HNRNPC: variants seen among roughly 807,000 people sequenced by gnomAD.
The protein encoded by HNRNPC is heterogeneous nuclear ribonucleoprotein C.
A neutral mutation model predicts 33.2 loss-of-function variants in HNRNPC; 3 were observed. That is an observed-to-expected ratio of 0.09 (90% confidence interval 0.04 to 0.23). HNRNPC has a LOEUF of 0.23. Among genes scored for constraint, HNRNPC ranks in the 10% least tolerant of loss-of-function variants. The probability of loss-of-function intolerance (pLI) is 1.00; values close to 1 mark genes in which losing one functional copy is unlikely to be tolerated. For missense variants in HNRNPC, 143 were observed against 366.7 expected (o/e 0.39, Z 4.98); for synonymous variants, 121 against 126.7 (o/e 0.96, Z 0.30).
At chr14:21,261,018 G>A (rs966504107) in intron 2 of HNRNPC, among the ~76,000 whole-genome samples, 5 of 150,668 alleles carry the variant, frequency 3.3e-5, no homozygotes, top group Admixed American at 1.3e-4. Context: ...CTGGAGTGCA[G>A]TGGATAATCA....
At chr14:21,220,922 A>G (rs1324183924) in intron 5 of HNRNPC, among the ~76,000 whole-genome samples, 1 of 152,138 alleles carries the variant, frequency 6.6e-6, no homozygotes, top group East Asian at 1.9e-4. Flanking sequence ...CCCCGTCTCT[A>G]CTAAAATACA....
chr14:21,255,821 A>G (rs546547202), intron 2 of HNRNPC, among the ~76,000 whole-genome samples: 53 of 152,344 alleles, frequency 3.5e-4, no homozygotes, highest in African/African-American at 1.2e-3. Flanking sequence ...ACAGTTGGTG[A>G]TAAGTGCTAA....
intron 5 of HNRNPC, among the ~76,000 whole-genome samples, chr14:21,217,472 C>CT (rs1331452303): frequency 3.3e-5 from 5 of 152,040 alleles, no homozygotes; most frequent in Non-Finnish European, 7.4e-5. Context: ...TGGGGAAACT[C>CT]TAACATAATT....
intron 3 of HNRNPC, 69 bp from the exon 4 acceptor site, chr14:21,231,141 T>TC (rs1367159068): frequency 1.4e-6 from 2 of 1,475,196 alleles, no homozygotes; most frequent in Non-Finnish European, 1.9e-6. Context: ...AAAGTTTATT[T>TC]TTTTTATTTT....
At chr14:21,218,536 A>C (rs1180559450) in intron 5 of HNRNPC, among the ~76,000 whole-genome samples, 1 of 151,738 alleles carries the variant, frequency 6.6e-6, no homozygotes, top group African/African-American at 2.4e-5. Flanking sequence ...AAATACAAAA[A>C]AATCAGCAGG....
chr14:21,257,033 C>T (rs187460850), intron 2 of HNRNPC, among the ~76,000 whole-genome samples: 16 of 152,208 alleles, frequency 1.1e-4, no homozygotes, highest in Middle Eastern at 3.4e-3. Flanking sequence ...CCAAGAGACA[C>T]AAAAATTGTT....
intron 2 of HNRNPC, chr14:21,254,682 G>A (rs1211547412): frequency 2.0e-5 from 3 of 152,138 alleles, no homozygotes; most frequent in Non-Finnish European, 2.9e-5. Context: ...GAGATGGGCG[G>A]ATTGCCTGAG....
chr14:21,262,097 C>G (rs1427600797), intron 2 of HNRNPC, among the ~76,000 whole-genome samples: 1 of 152,120 alleles, frequency 6.6e-6, no homozygotes, highest in Non-Finnish European at 1.5e-5. Context: ...TTTGTGAGGT[C>G]AAAAAGCCTA....
chr14:21,253,439 C>G, intron 2 of HNRNPC, among the ~76,000 whole-genome samples: 1 of 131,982 alleles, frequency 7.6e-6, no homozygotes, highest in Admixed American at 8.5e-5. Context: ...CGCCACTGCA[C>G]TCCAACCTCT....
At chr14:21,239,305 C>T (rs1895078132) in intron 2 of HNRNPC, among the ~76,000 whole-genome samples, 1 of 151,732 alleles carries the variant, frequency 6.6e-6, no homozygotes, top group Non-Finnish European at 1.5e-5. Context: ...GGTGAAACAC[C>T]ATCTGTACTA....
chr14:21,215,595 G>C (rs1892067918), intron 5 of HNRNPC, among the ~76,000 whole-genome samples: 1 of 152,168 alleles, frequency 6.6e-6, no homozygotes, highest in Non-Finnish European at 1.5e-5. Context: ...TTAATCACCT[G>C]AACAGATTAA....
intron 3 of HNRNPC, chr14:21,231,330 A>G (rs1413263999): frequency 3.5e-6 from 2 of 575,968 alleles, no homozygotes; most frequent in Non-Finnish European, 6.5e-6. Flanking sequence ...AAAATCACAC[A>G]GACACATAAA....
chr14:21,222,188 T>TA (rs1892901427), intron 5 of HNRNPC, among the ~76,000 whole-genome samples: 2 of 152,198 alleles, frequency 1.3e-5, no homozygotes, highest in South Asian at 2.1e-4. Flanking sequence ...GATATGAATG[T>TA]AAGTGGAGCA....
At position 21,209,331 on chromosome 14, in the gene HNRNPC, A is replaced by T. The variant is rs947666626; in HGVS notation, c.*1892T>A. On this transcript the variant is annotated 3_prime_UTR_variant, in exon 9 of 9. Transcript: ENST00000553300. ...CCCTACAGTGAAGGGAAAAGTAGAC[A>T]CTTGATTGTGGACTAATTTGTTCAG... 3.9e-5 allele frequency: 6 copies of T among 152,204 alleles called. No individual in the cohort carries two copies. The highest frequency in any genetic ancestry group is 1.4e-4 in the African/African-American group (6 of 41,454). The allele number at this position is 152,204 out of a possible 1,614,324, so 9.4% of individuals were successfully genotyped here.
At chr14:21,246,103 C>T (rs999596886) in intron 2 of HNRNPC, among the ~76,000 whole-genome samples, 1 of 152,014 alleles carries the variant, frequency 6.6e-6, no homozygotes, top group Non-Finnish European at 1.5e-5. Flanking sequence ...GGATTACAGG[C>T]GTGAACCACC....
intron 5 of HNRNPC, among the ~76,000 whole-genome samples, chr14:21,226,529 C>T (rs76399329): frequency 0.026 from 3,923 of 151,366 alleles, 180 homozygotes; most frequent in African/African-American, 0.091. Flanking sequence ...ATTACAACAC[C>T]TTTCGCAAAA....
At chr14:21,243,493 C>T (rs776166305) in intron 2 of HNRNPC, among the ~76,000 whole-genome samples, 2 of 152,204 alleles carry the variant, frequency 1.3e-5, no homozygotes, top group Non-Finnish European at 2.9e-5. Flanking sequence ...AAATGATATA[C>T]ACCAGATTGC....
At chr14:21,245,084 C>CAAAAA (rs71112560) in intron 2 of HNRNPC, among the ~76,000 whole-genome samples, 11 of 54,588 alleles carry the variant, frequency 2.0e-4, no homozygotes, top group African/African-American at 3.9e-4. Flanking sequence ...GACTCCATCT[C>CAAAAA]AAAAAAAAAA....
chr14:21,249,163 C>G (rs2138888487), intron 2 of HNRNPC, among the ~76,000 whole-genome samples: 1 of 152,208 alleles, frequency 6.6e-6, no homozygotes, highest in East Asian at 1.9e-4. Flanking sequence ...AAATGCTACC[C>G]TGAAACTTAG....
Sources: gnomAD v4.1 joint callset for allele counts (sites outside exome capture counted in the v4.1 genomes callset) on GRCh38, gnomAD v4.1.1 for gene constraint, MANE v1.5 for transcripts, NCBI Gene and HGNC (gene_info 2026-07-23, HGNC 2026-07-21) for gene names.